ZNF423: variants seen among roughly 807,000 people sequenced by gnomAD.
ZNF423 encodes Ebf-associated zinc finger protein.
ZNF423 carries 12 observed loss-of-function variants against 95.8 expected under a neutral mutation model. That is an observed-to-expected ratio of 0.13 (90% confidence interval 0.08 to 0.20). The LOEUF is 0.20. ZNF423 is among the 10% of genes least tolerant of loss of function. ZNF423 has a pLI of 1.00. For missense variants in ZNF423, 1,316 were observed against 1,737.1 expected (o/e 0.76, Z 4.31); for synonymous variants, 749 against 711.9 (o/e 1.05, Z -0.83).
intron 5 of ZNF423, among the ~76,000 whole-genome samples, chr16:49,564,981 A>C (rs1296875660): frequency 6.6e-6 from 1 of 152,138 alleles, no homozygotes; most frequent in African/African-American, 2.4e-5. Context: ...CCTCATTTAG[A>C]AAGCTAACTT....
rs937772531 is a variant in ZNF423 at position 49,855,228 on chromosome 16, C to T, written c.40+507G>A. ...GCCGCTCCCCGCGTCCTCGGGCGAC[C>T]AGGCAGGGGCCAGAGAGAGCCAGCG... On this transcript the variant is annotated intron_variant, in intron 1 of 7. Transcript: ENST00000563137. The surrounding 1 kb of genome is among the most constrained non-coding windows in gnomAD (Gnocchi z 4.7). Among the ~76,000 whole-genome samples, 4 of 141,030 alleles carry T rather than the reference C, an allele frequency of 2.8e-5. No individual in the cohort carries two copies. The highest frequency in any genetic ancestry group is 9.9e-5 in the African/African-American group (4 of 40,244). The allele number at this position is 141,030 out of a possible 152,430, so 92.5% of individuals were successfully genotyped here.
chr16:49,620,506 G>A (rs1027950689), intron 5 of ZNF423, among the ~76,000 whole-genome samples: 3 of 152,302 alleles, frequency 2.0e-5, no homozygotes, highest in Non-Finnish European at 2.9e-5. Context: ...GCAGGCCTCC[G>A]GAATGACTAA....
At chr16:49,699,910 A>C (rs1438097399) in intron 3 of ZNF423, among the ~76,000 whole-genome samples, 2 of 152,132 alleles carry the variant, frequency 1.3e-5, no homozygotes, top group Non-Finnish European at 2.9e-5. Flanking sequence ...GGACAGAAAA[A>C]TAGTGGACCC....
chr16:49,505,609 A>C (rs911802465), intron 7 of ZNF423, among the ~76,000 whole-genome samples: 2 of 152,128 alleles, frequency 1.3e-5, no homozygotes, highest in Non-Finnish European at 1.5e-5. Flanking sequence ...AATTGTGTGC[A>C]CGCACCAGTG....
rs565901063 is a variant in ZNF423 at position 49,770,754 on chromosome 16, C to T, written c.100+18733G>A. Among the ~76,000 whole-genome samples the T allele has an allele frequency of 7.2e-5, 11 of 152,314 alleles. No homozygotes were observed. The East Asian group carries it at 1.4e-3, about 19-fold the overall frequency. ...GTGCGGGCCTACAAGAGATCATCTC[C>T]GGGCCCTACTACATCACCCACCAAC... On this transcript the variant is annotated intron_variant, in intron 2 of 7. Transcript: ENST00000563137.
chr16:49,830,153 C>T (rs1259874969), intron 1 of ZNF423, among the ~76,000 whole-genome samples: 4 of 152,166 alleles, frequency 2.6e-5, no homozygotes, highest in Non-Finnish European at 4.4e-5. Flanking sequence ...CAGGGAAGGC[C>T]GCGCAGAAGA....
At chr16:49,682,630 G>A (rs1406759751) in intron 3 of ZNF423, among the ~76,000 whole-genome samples, 2 of 152,202 alleles carry the variant, frequency 1.3e-5, no homozygotes, top group South Asian at 2.1e-4. Flanking sequence ...TGGGAAGAGA[G>A]GAGAGGTTGG....
At chr16:49,670,290 C>T (rs2030748333) in intron 3 of ZNF423, among the ~76,000 whole-genome samples, 2 of 152,240 alleles carry the variant, frequency 1.3e-5, no homozygotes, top group Admixed American at 1.3e-4. Flanking sequence ...CGCCAACCCT[C>T]AGACAACCTG....
intron 3 of ZNF423, among the ~76,000 whole-genome samples, chr16:49,716,559 T>A (rs1162537116): frequency 6.6e-6 from 1 of 152,206 alleles, no homozygotes; most frequent in Non-Finnish European, 1.5e-5. Flanking sequence ...CATTTTATAA[T>A]CCCCTGTACA....
chr16:49,661,295 C>A (rs78313806), intron 3 of ZNF423, among the ~76,000 whole-genome samples: 2,319 of 151,960 alleles, frequency 0.015, 25 homozygotes, highest in Middle Eastern at 0.028. Flanking sequence ...GGAAAACACC[C>A]CTCAAGTGGA....
chr16:49,854,656 C>G, intron 1 of ZNF423: 1 of 985,372 alleles, frequency 1.0e-6, no homozygotes, highest in Non-Finnish European at 1.2e-6. Flanking sequence ...GGGCTAGAAT[C>G]GGGACAAAGC....
chr16:49,832,250 G>A (rs909010505), intron 1 of ZNF423, among the ~76,000 whole-genome samples: 1 of 152,134 alleles, frequency 6.6e-6, no homozygotes, highest in African/African-American at 2.4e-5. Context: ...TTCCAAAATC[G>A]GGCCAAGCCA....
At chr16:49,730,581 G>T in intron 3 of ZNF423, 190 bp downstream of exon 3, 1 of 652,870 alleles carries the variant, frequency 1.5e-6, no homozygotes, top group Non-Finnish European at 2.6e-6. Context: ...CTGCCTGCCG[G>T]AAAGCTGTTG....
At chr16:49,612,145 T>C (rs1447650720) in intron 5 of ZNF423, among the ~76,000 whole-genome samples, 1 of 152,080 alleles carries the variant, frequency 6.6e-6, no homozygotes, top group Non-Finnish European at 1.5e-5. Flanking sequence ...AGTAAATTAA[T>C]ATTGCCCTAT....
chr16:49,805,900 G>A (rs2034655313), intron 1 of ZNF423, among the ~76,000 whole-genome samples: 1 of 152,264 alleles, frequency 6.6e-6, no homozygotes, highest in African/African-American at 2.4e-5. Flanking sequence ...TGTGCCCCCA[G>A]CCAGTCCATC....
Position 49,637,592 on chromosome 16 carries a change from G to A in ZNF423, c.1584C>T (p.Asn528=). 1 of 1,614,108 alleles carries A rather than the reference G, an allele frequency of 6.2e-7. No individual in the cohort carries two copies. The highest frequency in any genetic ancestry group is 8.5e-7 in the Non-Finnish European group (1 of 1,180,040). ...CAGTAAGGAAACCCATGGAGCACTGGTTGCAGAAGAAAGCATTATTACCGT... is the reference window on the plus strand; with the variant it reads ...CAGTAAGGAAACCCATGGAGCACTGATTGCAGAAGAAAGCATTATTACCGT... ...PSDGNNAFFC[N]QCSMGFLTES... The change falls in exon 4 of 8, where the codon AAC becomes AAT. Residue 528 remains asparagine (N), a synonymous_variant. Coordinates refer to ENST00000563137, the MANE Select transcript of ZNF423 (RefSeq NM_001379286.1). The surrounding 1 kb of genome is among the most constrained non-coding windows in gnomAD (Gnocchi z 5.6).
At chr16:49,683,054 G>A (rs2031430348) in intron 3 of ZNF423, among the ~76,000 whole-genome samples, 1 of 152,220 alleles carries the variant, frequency 6.6e-6, no homozygotes, top group Non-Finnish European at 1.5e-5. Context: ...GCAGTGCCCA[G>A]AGGAGTGGGG....
At chr16:49,751,586 C>T (rs570657286) in intron 2 of ZNF423, among the ~76,000 whole-genome samples, 1 of 152,330 alleles carries the variant, frequency 6.6e-6, no homozygotes, top group Non-Finnish European at 1.5e-5. Flanking sequence ...ATGTACCCAG[C>T]TCCATGCAAA....
chr16:49,695,662 G>A (rs1329876092), intron 3 of ZNF423, among the ~76,000 whole-genome samples: 2 of 152,230 alleles, frequency 1.3e-5, no homozygotes, highest in Non-Finnish European at 2.9e-5. Context: ...CCCGACCTCA[G>A]GTGATCCACC....
Sources: allele counts gnomAD v4.1 joint callset (sites outside exome capture counted in the v4.1 genomes callset), GRCh38; gene constraint gnomAD v4.1.1; non-coding constraint Gnocchi (gnomAD v3.1); transcripts MANE v1.5; gene names NCBI Gene and HGNC (gene_info 2026-07-23, HGNC 2026-07-21).